The following APPBP2 variants were observed in gnomAD, a reference collection of about 807,000 sequenced individuals.
The protein encoded by APPBP2 is amyloid beta precursor protein binding protein 2.
Under a neutral mutation model 76.0 loss-of-function variants are expected in APPBP2, and 15 were observed. The ratio of observed to expected loss-of-function variants is 0.20; its 90% CI spans 0.13 to 0.30. The LOEUF (loss-of-function observed/expected upper bound fraction) is 0.30, where lower values mean the gene tolerates loss of function less well. Ranked by LOEUF, APPBP2 falls within the 10% of genes least tolerant of loss-of-function variation. The probability of loss-of-function intolerance (pLI) is 1.00; values close to 1 mark genes in which losing one functional copy is unlikely to be tolerated. For missense variants in APPBP2, 401 were observed against 687.2 expected (o/e 0.58, Z 4.66); for synonymous variants, 222 against 242.2 (o/e 0.92, Z 0.77).
At chr17:60,485,390 G>A (rs923655827) in intron 3 of APPBP2, among the ~76,000 whole-genome samples, 2 of 152,090 alleles carry the variant, frequency 1.3e-5, no homozygotes, top group Admixed American at 6.6e-5. Flanking sequence ...GCCTGTTATT[G>A]GTCTATTCAG....
intron 9 of APPBP2, among the ~76,000 whole-genome samples, chr17:60,459,196 C>T (rs79188111): frequency 0.016 from 2,375 of 152,136 alleles, 63 homozygotes; most frequent in African/African-American, 0.053. Flanking sequence ...GGTAAAGCTT[C>T]GTCTATGAAA....
At chr17:60,478,153 T>C (rs1392342871) in intron 4 of APPBP2, among the ~76,000 whole-genome samples, 1 of 152,156 alleles carries the variant, frequency 6.6e-6, no homozygotes. Context: ...AATAAATTGA[T>C]TGGACTTTAG....
chr17:60,486,779 T>A (rs2090682623), intron 3 of APPBP2, among the ~76,000 whole-genome samples: 1 of 152,248 alleles, frequency 6.6e-6, no homozygotes, highest in South Asian at 2.1e-4. Flanking sequence ...ATGCAGTTTC[T>A]TCCGAGCATC....
intron 4 of APPBP2, among the ~76,000 whole-genome samples, chr17:60,475,291 A>T (rs2090581750): frequency 6.6e-6 from 1 of 152,052 alleles, no homozygotes; most frequent in African/African-American, 2.4e-5. Flanking sequence ...ATAACATAAC[A>T]TGATAGTTTC....
In APPBP2 at chr17:60,489,852, A is replaced by G. The variant is rs190137172; in HGVS notation, c.379+4614T>C. Reference sequence around the variant, plus strand: ...GGAGTTTGAGACCAGTCTGGCCAACATGGTGAACCCCGTCTCTACTAAAAA... The same window carrying G: ...GGAGTTTGAGACCAGTCTGGCCAACGTGGTGAACCCCGTCTCTACTAAAAA... On this transcript the variant is annotated intron_variant, in intron 3 of 12. Transcript: ENST00000083182. 5.5e-3 allele frequency among the ~76,000 whole-genome samples: 816 copies of G among 147,980 alleles called. 9 individuals carry two copies. The highest frequency in any genetic ancestry group is 0.02 in the African/African-American group (758 of 37,484).
Position 60,525,963 on chromosome 17 carries a change from T to A in APPBP2, c.-32A>T. ...TCCCTCCTCCTCCGCCTCCTCCGCC[T>A]CCTCCTCCCGAAGGCCCCCACCTCC... On this transcript the variant is annotated 5_prime_UTR_variant, in exon 1 of 13. Coordinates refer to ENST00000083182, the MANE Select transcript of APPBP2 (RefSeq NM_006380.5). The A allele has an allele frequency of 1.3e-6, 2 of 1,552,972 alleles. No homozygotes were observed. Among genetic ancestry groups the A allele is most frequent in the Non-Finnish European group, 1.7e-6 (2 of 1,146,002 alleles).
intron 4 of APPBP2, among the ~76,000 whole-genome samples, chr17:60,475,745 A>T (rs187260945): frequency 3.9e-4 from 60 of 151,958 alleles, no homozygotes; most frequent in Admixed American, 3.3e-3. Flanking sequence ...TTTATTATTT[A>T]AAAAAACCCA....
chr17:60,506,514 G>GA (rs2143470545), intron 1 of APPBP2, among the ~76,000 whole-genome samples: 1 of 152,246 alleles, frequency 6.6e-6, no homozygotes, highest in East Asian at 1.9e-4. Context: ...CTCTTCCCCT[G>GA]ACTCAGCAAT....
intron 2 of APPBP2, among the ~76,000 whole-genome samples, chr17:60,497,198 T>C (rs781627118): frequency 7.2e-5 from 11 of 152,236 alleles, no homozygotes; most frequent in Non-Finnish European, 1.5e-4. Context: ...TCCTGTCATC[T>C]GCAACAACAC....
chr17:60,520,997 G>C (rs988000498), intron 1 of APPBP2, among the ~76,000 whole-genome samples: 3 of 152,148 alleles, frequency 2.0e-5, no homozygotes, highest in Non-Finnish European at 4.4e-5. Context: ...CACGACCGCA[G>C]CTAGCACCCT....
In APPBP2 at chr17:60,494,565, C is replaced by G; in HGVS notation, c.280G>C (p.Ala94Pro). ...QALMDHGVKV[A>P]SVLAYSFSRR... ...CTGAATGAGTAGGCCAAGACTGAAG[C>G]AACTTTAACACCATGATCCATCAAA... Residue 94 changes from alanine to proline, a missense_variant, in exon 3 of 13, where the codon GCT becomes CCT. Transcript: ENST00000083182. The G allele has an allele frequency of 6.2e-7, 1 of 1,611,288 alleles. No homozygotes were observed. Among genetic ancestry groups the G allele is most frequent in the Non-Finnish European group, 8.5e-7 (1 of 1,179,546 alleles).
Position 60,446,845 on chromosome 17 carries a change from T to G in APPBP2, c.*736A>C, listed in dbSNP as rs1235817902. On this transcript the variant is annotated 3_prime_UTR_variant, in exon 13 of 13. Coordinates refer to ENST00000083182, the MANE Select transcript of APPBP2 (RefSeq NM_006380.5). ...GCCTCTGGTCCAAGTAACCACCTTC[T>G]ACATTAGGCTGGTCCTTTTTAGATC... The G allele has an allele frequency of 6.6e-6, 1 of 152,220 alleles. No individual in the cohort carries two copies. The highest frequency in any genetic ancestry group is 2.4e-5 in the African/African-American group (1 of 41,446). 9.4% of individuals were successfully genotyped at this position (152,220 alleles called of 1,614,324 possible). A position where few individuals can be genotyped will look rare whatever the true frequency, so the allele number is the denominator to read the frequency against.
intron 3 of APPBP2, among the ~76,000 whole-genome samples, chr17:60,491,223 T>C (rs1256775256): frequency 6.6e-6 from 1 of 152,040 alleles, no homozygotes; most frequent in Non-Finnish European, 1.5e-5. Flanking sequence ...GAGGAACTTG[T>C]TGGAAACTGG....
At chr17:60,472,425 T>C (rs986122231) in intron 4 of APPBP2, among the ~76,000 whole-genome samples, 59 of 152,362 alleles carry the variant, frequency 3.9e-4, no homozygotes, top group Non-Finnish European at 3.1e-4. Flanking sequence ...ATTTTATTTA[T>C]GTTATCTAAT....
intron 9 of APPBP2, among the ~76,000 whole-genome samples, chr17:60,457,722 G>T (rs7225720): frequency 0.082 from 12,513 of 152,202 alleles, 1,704 homozygotes; most frequent in African/African-American, 0.28. Flanking sequence ...GGGCCACCAC[G>T]CCTGGCCCAT....
chr17:60,518,971 C>A (rs1030333262), intron 1 of APPBP2, among the ~76,000 whole-genome samples: 1 of 152,074 alleles, frequency 6.6e-6, no homozygotes, highest in East Asian at 1.9e-4. Flanking sequence ...CTTTTTCCCC[C>A]CCTTTGAGAC....
At chr17:60,489,225 T>TA (rs915556444) in intron 3 of APPBP2, among the ~76,000 whole-genome samples, 70 of 144,500 alleles carry the variant, frequency 4.8e-4, no homozygotes, top group African/African-American at 1.3e-3. Flanking sequence ...CTGTCTCAAA[T>TA]AAAAAAAAAG....
chr17:60,443,507 T>C lies in APPBP2; in HGVS notation c.*4074A>G, dbSNP rs1056703298. 6.6e-6 allele frequency: 1 copy of C among 152,632 alleles called. No homozygotes were observed. Among genetic ancestry groups the C allele is most frequent in the Non-Finnish European group, 1.5e-5 (1 of 68,034 alleles). 9.5% of individuals were successfully genotyped at this position (152,632 alleles called of 1,614,324 possible). On this transcript the variant is annotated 3_prime_UTR_variant, in exon 13 of 13. Transcript: ENST00000083182. ...CCTGTTGCTTAATAAAGTATAAAAA[T>C]AGTACTGACCTGGTAATATTTAATA...
chr17:60,481,674 G>T (rs538187535), intron 3 of APPBP2, among the ~76,000 whole-genome samples: 1 of 152,282 alleles, frequency 6.6e-6, no homozygotes, highest in South Asian at 2.1e-4. Context: ...CTACAATAGA[G>T]CTGGGCTTCA....
Sources: allele counts gnomAD v4.1 joint callset (sites outside exome capture counted in the v4.1 genomes callset), GRCh38; gene constraint gnomAD v4.1.1; transcripts MANE v1.5; gene names NCBI Gene and HGNC (gene_info 2026-07-23, HGNC 2026-07-21).